SERPINB5: variants seen among roughly 807,000 people sequenced by gnomAD.
SERPINB5 encodes the protein serpin B5.
In SERPINB5, 27 loss-of-function variants were observed where a neutral mutation model predicts 32.2. That is an observed-to-expected ratio of 0.84 (90% confidence interval 0.62 to 1.16). SERPINB5 has a LOEUF of 1.16. Ranked by LOEUF, SERPINB5 falls within the 50% of genes most tolerant of loss-of-function variation. SERPINB5 has a pLI of 0.00. For missense variants in SERPINB5, 388 were observed against 436.3 expected, an observed-to-expected ratio of 0.89 and a Z score of 0.99; for synonymous variants, 154 against 157.4, an observed-to-expected ratio of 0.98 and a Z score of 0.16.
Position 63,490,105 on chromosome 18 carries a change from T to C in SERPINB5, c.424+641T>C, listed in dbSNP as rs544541555. Among the ~76,000 whole-genome samples the C allele has an allele frequency of 1.7e-4, 26 of 152,170 alleles. No homozygotes were observed. The South Asian group carries it at 5.4e-3, about 32-fold the overall frequency. ...TACTCGGGAGGCTGAGACAGGAGAA[T>C]GGCGTGAACCCGGGAGGCGGAGCTT... On this transcript the variant is annotated intron_variant, in intron 4 of 6. Coordinates refer to ENST00000382771, the MANE Select transcript of SERPINB5 (RefSeq NM_002639.5).
intron 6 of SERPINB5, among the ~76,000 whole-genome samples, chr18:63,499,997 C>CTAT (rs71162648): frequency 0.022 from 3,233 of 149,742 alleles, 61 homozygotes; most frequent in African/African-American, 0.044. Context: ...TGACATATTA[C>CTAT]TATTATTATT....
At chr18:63,485,899 A>G (rs796413331) in intron 2 of SERPINB5, 2 of 152,922 alleles carry the variant, frequency 1.3e-5, no homozygotes, top group Non-Finnish European at 2.9e-5. Flanking sequence ...GTGGAATCAC[A>G]GCATGGCCAT....
chr18:63,497,424 G>A, intron 5 of SERPINB5: 1 of 935,594 alleles, frequency 1.1e-6, no homozygotes, highest in Non-Finnish European at 1.7e-6. Flanking sequence ...TCACCTGCCT[G>A]TCCCTGCTGC....
Position 63,489,964 on chromosome 18 carries a change from G to A in SERPINB5, c.424+500G>A, listed in dbSNP as rs538869923. ...TCCCAGCACTTTGGGAGGCCAAGGC[G>A]GGCGGATCACGAGGTCAGGAGATCG... On this transcript the variant is annotated intron_variant, in intron 4 of 6. Transcript: ENST00000382771. Among the ~76,000 whole-genome samples, 969 of 152,292 alleles carry A rather than the reference G, an allele frequency of 6.4e-3. 10 individuals carry two copies. Among genetic ancestry groups the A allele is most frequent in the African/African-American group, 0.022 (926 of 41,556 alleles).
chr18:63,490,009 GGT>G (rs1599389823), intron 4 of SERPINB5, among the ~76,000 whole-genome samples: 2 of 150,506 alleles, frequency 1.3e-5, no homozygotes, highest in African/African-American at 2.4e-5. Flanking sequence ...TGGCTAACAC[GGT>G]GAAACCCTGT....
At position 63,493,082 on chromosome 18, in the gene SERPINB5, T is replaced by C. The variant is rs752571905; in HGVS notation, c.554T>C (p.Phe185Ser). The C allele has an allele frequency of 6.2e-7, 1 of 1,614,172 alleles. No individual in the cohort carries two copies. The highest frequency in any genetic ancestry group is 8.5e-7 in the Non-Finnish European group (1 of 1,180,038). ...GAATCAGAAACAAAAGAATGTCCTT[T>C]CAGAGTCAACAAGGTATGTGGGGCA... ...FSESETKECP[F>S]RVNKTDTKPV... Residue 185 changes from phenylalanine to serine, a missense_variant, in exon 5 of 7, where the codon TTC becomes TCC. By Grantham distance (155) the Phe-to-Ser change is radical. Transcript: ENST00000382771.
intron 4 of SERPINB5, among the ~76,000 whole-genome samples, chr18:63,491,722 G>A (rs1185748605): frequency 1.3e-5 from 2 of 151,960 alleles, no homozygotes; most frequent in African/African-American, 2.4e-5. Flanking sequence ...TGATCCACCC[G>A]CCTCAGCCTC....
chr18:63,484,886 G>A (rs1446531368), intron 2 of SERPINB5, among the ~76,000 whole-genome samples: 5 of 151,674 alleles, frequency 3.3e-5, no homozygotes, highest in African/African-American at 9.7e-5. Flanking sequence ...GATGACAGGC[G>A]CGTGCCACAA....
At chr18:63,493,285 CT>C (rs1261581060) in intron 5 of SERPINB5, 190 bp downstream of exon 5, 15 of 693,192 alleles carry the variant, frequency 2.2e-5, no homozygotes, top group Non-Finnish European at 3.8e-5. Context: ...CCCCCCTCCT[CT>C]TTTCCATAAT....
At chr18:63,496,195 AT>A (rs1442430033) in intron 5 of SERPINB5, among the ~76,000 whole-genome samples, 1 of 152,208 alleles carries the variant, frequency 6.6e-6, no homozygotes, top group African/African-American at 2.4e-5. Context: ...AGTGAAATTG[AT>A]GACAGTTTTT....
Position 63,489,371 on chromosome 18 carries a change from C to T in SERPINB5, c.331C>T (p.Pro111Ser), listed in dbSNP as rs1917263574. Residue 111 changes from proline to serine, a missense_variant, in exon 4 of 7, where the codon CCG becomes TCG. Transcript: ENST00000382771. Reference sequence around the variant, plus strand: ...GGAGTTCATCAGCTCTACGAAGAGACCGTATGCAAAGGAATTGGAAACTGT... The same window carrying T: ...GGAGTTCATCAGCTCTACGAAGAGATCGTATGCAAAGGAATTGGAAACTGT... The part of the protein sequence containing the change: ...STEFISSTKR[P>S]YAKELETVDF... The T allele has an allele frequency of 6.2e-7, 1 of 1,610,502 alleles. No individual in the cohort carries two copies.
Position 63,489,477 on chromosome 18 carries a change from T to G in SERPINB5, c.424+13T>G, listed in dbSNP as rs199515526. On this transcript the variant is annotated intron_variant, in intron 4 of 6. Transcript: ENST00000382771. ...GATCTCACAGATGGCAAGTACCCTTTAATTGTTCTGCTATCAATCACCAAG... is the reference window on the plus strand; with the variant it reads ...GATCTCACAGATGGCAAGTACCCTTGAATTGTTCTGCTATCAATCACCAAG... 7.3e-5 allele frequency: 107 copies of G among 1,455,998 alleles called. No individual in the cohort carries two copies. The highest frequency in any genetic ancestry group is 1.2e-5 in the Non-Finnish European group (13 of 1,041,106). The allele number at this position is 1,455,998 out of a possible 1,614,324, so 90.2% of individuals were successfully genotyped here.
intron 1 of SERPINB5, among the ~76,000 whole-genome samples, chr18:63,479,798 A>T: frequency 6.6e-6 from 1 of 152,202 alleles, no homozygotes; most frequent in East Asian, 1.9e-4. Context: ...CCAAGAGTTT[A>T]CAACATAAGT....
intron 6 of SERPINB5, 26 bp downstream of exon 6, chr18:63,499,313 C>A: frequency 6.8e-7 from 1 of 1,479,366 alleles, no homozygotes; most frequent in Non-Finnish European, 9.0e-7. Context: ...GTGCTCTCCA[C>A]AAAGGCACCC....
chr18:63,489,885 T>C (rs1241194700), intron 4 of SERPINB5, among the ~76,000 whole-genome samples: 1 of 151,682 alleles, frequency 6.6e-6, no homozygotes. Flanking sequence ...AAAAGGGACA[T>C]AGGCAACATA....
chr18:63,486,497 C>T (rs1353998765), intron 2 of SERPINB5, among the ~76,000 whole-genome samples: 1 of 152,172 alleles, frequency 6.6e-6, no homozygotes, highest in African/African-American at 2.4e-5. Flanking sequence ...AATTATAACC[C>T]AGCTTCATCG....
At chr18:63,502,130 G>GAACTAAA (rs1264951187) in intron 6 of SERPINB5, among the ~76,000 whole-genome samples, 3 of 143,204 alleles carry the variant, frequency 2.1e-5, no homozygotes, top group African/African-American at 7.9e-5. Context: ...TTTGAGTTTT[G>GAACTAAA]GAAATGATTT....
chr18:63,497,431 C>A, intron 5 of SERPINB5: 1 of 848,282 alleles, frequency 1.2e-6, no homozygotes, highest in Non-Finnish European at 1.9e-6. Flanking sequence ...CCTGTCCCTG[C>A]TGCTGCGGCT....
intron 5 of SERPINB5, among the ~76,000 whole-genome samples, chr18:63,495,860 T>C (rs1442306135): frequency 3.9e-5 from 6 of 152,232 alleles, no homozygotes; most frequent in Non-Finnish European, 7.3e-5. Flanking sequence ...TACACCCTTC[T>C]TTTGAATGCA....
Sources: gnomAD v4.1 joint callset for allele counts (sites outside exome capture counted in the v4.1 genomes callset) on GRCh38, gnomAD v4.1.1 for gene constraint, MANE v1.5 for transcripts, NCBI Gene and HGNC (gene_info 2026-07-23, HGNC 2026-07-21) for gene names.